The following KCNN2 variants were observed in gnomAD, a reference collection of about 807,000 sequenced individuals.
KCNN2 encodes the protein small conductance calcium-activated potassium channel protein 2.
In KCNN2, 24 loss-of-function variants were observed where a neutral mutation model predicts 55.5. The observed-to-expected ratio is 0.43, with a 90% CI of 0.31 to 0.61. The LOEUF (loss-of-function observed/expected upper bound fraction) is 0.61, where lower values mean the gene tolerates loss of function less well. KCNN2 is among the 20% of genes least tolerant of loss of function. The pLI is 0.08. For synonymous variants in KCNN2, 431 were observed against 336.1 expected (o/e 1.28, Z -3.09); for missense variants, 754 against 853.6 (o/e 0.88, Z 1.45).
chr5:114,359,336 T>C (rs558702497), upstream of KCNN2, among the ~76,000 whole-genome samples: 6 of 152,348 alleles, frequency 3.9e-5, no homozygotes, highest in East Asian at 5.8e-4. Context: ...GAGAACTCCA[T>C]GCAACATTGC....
intron 1 of KCNN2, among the ~76,000 whole-genome samples, chr5:114,079,441 T>A (rs1398302944): frequency 6.6e-6 from 1 of 151,998 alleles, no homozygotes; most frequent in African/African-American, 2.4e-5. Flanking sequence ...CATAGCAGAG[T>A]AGAAATAGCA....
intron 2 of KCNN2, among the ~76,000 whole-genome samples, chr5:114,347,275 C>T (rs257468): frequency 0.37 from 56,137 of 152,038 alleles, 11,887 homozygotes; most frequent in East Asian, 0.84. Flanking sequence ...AAGATACTTA[C>T]TAACTGTGGA....
chr5:114,233,296 C>G (rs1463948635), intron 2 of KCNN2, among the ~76,000 whole-genome samples: 1 of 152,122 alleles, frequency 6.6e-6, no homozygotes, highest in Non-Finnish European at 1.5e-5. Flanking sequence ...GCTTGCAACA[C>G]TCCTTTTATT....
At chr5:114,381,701 G>A (rs751565710) in intron 2 of KCNN2, among the ~76,000 whole-genome samples, 1 of 152,142 alleles carries the variant, frequency 6.6e-6, no homozygotes. Context: ...TATTTCAGAC[G>A]TTTTATTCTC....
In KCNN2 at chr5:114,211,134, T is replaced by C. The variant is rs542644672; in HGVS notation, c.-270-10346T>C. 3.3e-5 allele frequency among the ~76,000 whole-genome samples: 5 copies of C among 152,222 alleles called. No individual in the cohort carries two copies. The East Asian group carries it at 9.7e-4, about 29-fold the overall frequency. ...GTGGGAGTGTAAATTAGTTCAACCA[T>C]TGTGGAAAGTAGTGTGGCGATTTCT... On this transcript the variant is annotated intron_variant, in intron 1 of 10. Transcript: ENST00000512097.
At chr5:114,295,551 A>G (rs957850574) in intron 2 of KCNN2, among the ~76,000 whole-genome samples, 1 of 152,092 alleles carries the variant, frequency 6.6e-6, no homozygotes, top group Non-Finnish European at 1.5e-5. Flanking sequence ...AGCCTATTGG[A>G]AAAGCGCAGT....
At chr5:114,318,142 C>T (rs1211056794) in intron 2 of KCNN2, among the ~76,000 whole-genome samples, 2 of 152,132 alleles carry the variant, frequency 1.3e-5, no homozygotes, top group Non-Finnish European at 2.9e-5. Flanking sequence ...TTCAGTTGGA[C>T]TCATTATATT....
At chr5:114,346,560 T>C (rs1438919706) in intron 2 of KCNN2, among the ~76,000 whole-genome samples, 2 of 152,126 alleles carry the variant, frequency 1.3e-5, no homozygotes, top group East Asian at 1.9e-4. Flanking sequence ...ACTCTGGTAT[T>C]GCATTAGAAT....
chr5:114,301,052 A>ATTTT lies in KCNN2; in HGVS notation c.-184-59886_-184-59883dup, dbSNP rs10640846. On this transcript the variant is annotated intron_variant, in intron 2 of 10. Transcript: ENST00000512097. Reference sequence around the variant, plus strand: ...AAAAGTAAAGTTTCCTTTATTAAATATTTTTTTTTTAATTTTACTTTGTTT... The same window carrying ATTTT: ...AAAAGTAAAGTTTCCTTTATTAAATATTTTTTTTTTTTTTAATTTTACTTTGTTT... Among the ~76,000 whole-genome samples, 972 of 150,140 alleles carry ATTTT rather than the reference A, an allele frequency of 6.5e-3. 6 individuals carry two copies. The highest frequency in any genetic ancestry group is 0.013 in the African/African-American group (532 of 40,876).
chr5:114,202,307 A>G (rs1008018735), intron 1 of KCNN2, among the ~76,000 whole-genome samples: 1 of 152,092 alleles, frequency 6.6e-6, no homozygotes, highest in African/African-American at 2.4e-5. Context: ...AGCCGAGATC[A>G]TTAAAACCCA....
chr5:114,297,775 C>A (rs2150020909), intron 2 of KCNN2, among the ~76,000 whole-genome samples: 1 of 152,070 alleles, frequency 6.6e-6, no homozygotes, highest in Non-Finnish European at 1.5e-5. Context: ...AATATGTTAT[C>A]AGAGTTTTAA....
chr5:114,268,775 G>A (rs1253744063), intron 2 of KCNN2, among the ~76,000 whole-genome samples: 2 of 152,124 alleles, frequency 1.3e-5, no homozygotes, highest in Non-Finnish European at 2.9e-5. Context: ...AGACAATACT[G>A]GTTTATTTTA....
chr5:114,061,204 C>T (rs540425371), intron 1 of KCNN2, among the ~76,000 whole-genome samples: 1 of 152,204 alleles, frequency 6.6e-6, no homozygotes, highest in South Asian at 2.1e-4. Context: ...AGTTATTGGC[C>T]AGGGGGACAG....
At chr5:114,458,561 A>T (rs902383533) in intron 3 of KCNN2, among the ~76,000 whole-genome samples, 3 of 152,234 alleles carry the variant, frequency 2.0e-5, no homozygotes, top group African/African-American at 4.8e-5. Flanking sequence ...CTTCCCTGCT[A>T]TGTTTTTGTA....
intron 3 of KCNN2, among the ~76,000 whole-genome samples, chr5:114,448,946 A>G (rs1760530230): frequency 6.6e-6 from 1 of 152,222 alleles, no homozygotes; most frequent in Admixed American, 6.5e-5. Flanking sequence ...GCCCTGTCAA[A>G]AAATTCTCAG....
chr5:114,485,279 A>G (rs952029105), intron 5 of KCNN2, among the ~76,000 whole-genome samples: 12 of 152,096 alleles, frequency 7.9e-5, no homozygotes, highest in African/African-American at 2.9e-4. Context: ...GTAAAATCAG[A>G]GAGAGAGCCT....
At chr5:114,391,233 C>A (rs538692684) in intron 2 of KCNN2, among the ~76,000 whole-genome samples, 27 of 152,074 alleles carry the variant, frequency 1.8e-4, no homozygotes, top group Non-Finnish European at 3.7e-4. Context: ...ATTTTCCCAT[C>A]TTTATATCGC....
chr5:114,201,056 C>A (rs1580613200), intron 1 of KCNN2, among the ~76,000 whole-genome samples: 1 of 151,828 alleles, frequency 6.6e-6, no homozygotes, highest in East Asian at 1.9e-4. Context: ...TGAGTGGGTT[C>A]TTAGGCTCCT....
At chr5:114,357,093 C>G (rs1360069566), upstream of KCNN2, among the ~76,000 whole-genome samples, 2 of 151,896 alleles carry the variant, frequency 1.3e-5, no homozygotes, top group Non-Finnish European at 2.9e-5. Flanking sequence ...TCAGACCACC[C>G]CAATATGGGA....
Sources: allele counts gnomAD v4.1 joint callset (sites outside exome capture counted in the v4.1 genomes callset), GRCh38; gene constraint gnomAD v4.1.1; transcripts MANE v1.5; gene names NCBI Gene and HGNC (gene_info 2026-07-23, HGNC 2026-07-21).